The following RNF38 variants were observed in gnomAD, a reference collection of about 807,000 sequenced individuals.
RNF38 encodes the protein E3 ubiquitin-protein ligase RNF38.
RNF38 carries 15 observed loss-of-function variants against 67.2 expected under a neutral mutation model. The ratio of observed to expected loss-of-function variants is 0.22; its 90% confidence interval spans 0.15 to 0.34. RNF38 has a LOEUF of 0.34. Among genes scored for constraint, RNF38 ranks in the 10% least tolerant of loss-of-function variants. The probability of loss-of-function intolerance (pLI) is 1.00; values close to 1 mark genes in which losing one functional copy is unlikely to be tolerated. For synonymous variants in RNF38, 220 were observed against 218.8 expected (o/e 1.01, Z -0.05); for missense variants, 524 against 639.9 (o/e 0.82, Z 1.95).
At chr9:36,370,890 C>G (rs933751410) in intron 3 of RNF38, among the ~76,000 whole-genome samples, 5 of 151,698 alleles carry the variant, frequency 3.3e-5, no homozygotes, top group African/African-American at 7.3e-5. Context: ...GCCTGGGCGA[C>G]AGAGTGAGAC....
At chr9:36,352,988 T>C in intron 7 of RNF38, 140 bp from the exon 8 acceptor site, 1 of 801,086 alleles carries the variant, frequency 1.2e-6, no homozygotes, top group South Asian at 1.8e-5. Flanking sequence ...AATACTAACT[T>C]ATTAATGGAT....
At chr9:36,339,901 A>G (rs1226681582) in intron 11 of RNF38, 87 bp from the exon 12 acceptor site, 3 of 1,128,788 alleles carry the variant, frequency 2.7e-6, no homozygotes, top group East Asian at 5.1e-5. Flanking sequence ...TACTTCCCAC[A>G]GTTTTTACAT....
intron 1 of RNF38, among the ~76,000 whole-genome samples, chr9:36,451,451 A>G (rs1248012328): frequency 6.9e-6 from 1 of 144,864 alleles, no homozygotes; most frequent in African/African-American, 2.5e-5. Context: ...GTGCAACAAG[A>G]GTGAAACTCC....
chr9:36,421,145 C>A (rs1587107849), intron 2 of RNF38, among the ~76,000 whole-genome samples: 2 of 152,148 alleles, frequency 1.3e-5, no homozygotes, highest in African/African-American at 4.8e-5. Context: ...TAAGAAAAAT[C>A]ATCTTTTCTT....
intron 1 of RNF38, among the ~76,000 whole-genome samples, chr9:36,454,848 T>G (rs745783285): frequency 4.6e-5 from 7 of 152,166 alleles, no homozygotes; most frequent in Non-Finnish European, 7.3e-5. Flanking sequence ...TCTCTCAAAG[T>G]GCTGGGGTTA....
At chr9:36,357,735 TTAATAGTAATATCTAATGA>T in intron 5 of RNF38, 21 bp downstream of exon 5, 1 of 1,571,912 alleles carries the variant, frequency 6.4e-7, no homozygotes, top group Non-Finnish European at 8.7e-7. Flanking sequence ...GCTGGTGTGC[TTAATAGTAATATCTAATGA>T]GAACAAAGAT....
chr9:36,415,513 T>A (rs1838440939), intron 2 of RNF38, among the ~76,000 whole-genome samples: 1 of 152,152 alleles, frequency 6.6e-6, no homozygotes, highest in South Asian at 2.1e-4. Flanking sequence ...CATGGGGTGA[T>A]CCCCTGACAT....
intron 1 of RNF38, among the ~76,000 whole-genome samples, chr9:36,445,254 T>C (rs1839274196): frequency 6.6e-6 from 1 of 152,190 alleles, no homozygotes. Context: ...AAGTTGATCA[T>C]GAAATGCTTT....
Position 36,369,826 on chromosome 9 carries a change from T to G in RNF38, c.463A>C (p.Ile155Leu). Reference sequence around the variant, plus strand: ...GGGTGGAAGGCTCGAGGCTCCTCTATTGCTTGCTGCTGTGCGTAAGGGAGA... The same window carrying G: ...GGGTGGAAGGCTCGAGGCTCCTCTAGTGCTTGCTGCTGTGCGTAAGGGAGA... ...HHLPYAQQQA[I>L]EEPRAFHPPN... The change falls in exon 4 of 12, where the codon ATA becomes CTA. Residue 155 changes from isoleucine (I) to leucine (L), a missense_variant. By Grantham distance (5) the Ile-to-Leu change is conservative. Coordinates refer to ENST00000259605, the MANE Select transcript of RNF38 (RefSeq NM_022781.5). The G allele has an allele frequency of 6.2e-7, 1 of 1,613,964 alleles. No homozygotes were observed. Among genetic ancestry groups the G allele is most frequent in the Non-Finnish European group, 8.5e-7 (1 of 1,180,020 alleles).
At chr9:36,446,171 G>A (rs185329603) in intron 1 of RNF38, among the ~76,000 whole-genome samples, 2 of 152,256 alleles carry the variant, frequency 1.3e-5, no homozygotes, top group East Asian at 1.9e-4. Context: ...CTGCCCAAGC[G>A]TTAACTATGC....
intron 1 of RNF38, among the ~76,000 whole-genome samples, chr9:36,471,396 A>G (rs1839994782): frequency 6.6e-6 from 1 of 152,250 alleles, no homozygotes; most frequent in South Asian, 2.1e-4. Context: ...CTATTCTACC[A>G]AATTTCAAAA....
chr9:36,400,088 ATACTT>A lies in RNF38; in HGVS notation c.12+4_12+8del, dbSNP rs1325660984. ...TATCATTTTTGCAACACAAAGAAAAATACTTTACCTTACAAGCCATACAGACGTAA... is the reference window on the plus strand; with the variant it reads ...TATCATTTTTGCAACACAAAGAAAAATACCTTACAAGCCATACAGACGTAA... On this transcript the variant is annotated splice_donor_5th_base_variant and intron_variant, in intron 1 of 11. Transcript: ENST00000259605. 1.8e-5 allele frequency: 29 copies of A among 1,612,190 alleles called. No individual in the cohort carries two copies. Among genetic ancestry groups the A allele is most frequent in the South Asian group, 4.4e-5 (4 of 90,964 alleles).
intron 1 of RNF38, among the ~76,000 whole-genome samples, chr9:36,443,714 C>G (rs190364382): frequency 1.3e-5 from 2 of 152,124 alleles, no homozygotes; most frequent in East Asian, 3.9e-4. Context: ...GCAGGCATAA[C>G]CACTGAACTG....
At chr9:36,420,993 G>A (rs1228762554) in intron 2 of RNF38, among the ~76,000 whole-genome samples, 2 of 152,128 alleles carry the variant, frequency 1.3e-5, no homozygotes, top group African/African-American at 2.4e-5. Flanking sequence ...CCAAAAAATT[G>A]GGGATTGGAC....
intron 4 of RNF38, among the ~76,000 whole-genome samples, chr9:36,362,415 C>T (rs146038574): frequency 1.3e-5 from 2 of 149,162 alleles, no homozygotes; most frequent in Non-Finnish European, 3.0e-5. Context: ...TTGTAAAATA[C>T]TTTGTAAAAT....
chr9:36,452,248 TA>T (rs1839469279), intron 1 of RNF38, among the ~76,000 whole-genome samples: 1 of 152,106 alleles, frequency 6.6e-6, no homozygotes, highest in African/African-American at 2.4e-5. Flanking sequence ...AAAATGTTCT[TA>T]AAGTGGTTTT....
rs375036920 is a variant in RNF38, at chr9:36,355,591, T to C, written c.909+712A>G. On this transcript the variant is annotated intron_variant, in intron 6 of 11. Transcript: ENST00000259605. ...AATACAAATATTATTCTAACAAGTA[T>C]TAATAATTTTATAATATTTTCATTT... Among the ~76,000 whole-genome samples, 4 of 152,132 alleles carry C rather than the reference T, an allele frequency of 2.6e-5. No homozygotes were observed. In the East Asian group the frequency reaches 5.8e-4, roughly 22 times the overall value.
intron 1 of RNF38, among the ~76,000 whole-genome samples, chr9:36,425,035 C>T (rs149461875): frequency 5.1e-4 from 77 of 152,318 alleles, no homozygotes; most frequent in African/African-American, 1.8e-3. Context: ...AAAAATATTA[C>T]ATTCCTTTTC....
chr9:36,391,109 T>C (rs554612615), intron 1 of RNF38, among the ~76,000 whole-genome samples: 92 of 152,318 alleles, frequency 6.0e-4, no homozygotes, highest in African/African-American at 2.2e-3. Flanking sequence ...AGCAAACATA[T>C]GTTTGACTGC....
Sources: allele counts gnomAD v4.1 joint callset (sites outside exome capture counted in the v4.1 genomes callset), GRCh38; gene constraint gnomAD v4.1.1; transcripts MANE v1.5; gene names NCBI Gene and HGNC (gene_info 2026-07-23, HGNC 2026-07-21).